Variants in ZNF362 observed in about 807,000 individuals in gnomAD.
ZNF362 encodes the protein zinc finger protein 362.
Under a neutral mutation model 42.9 loss-of-function variants are expected in ZNF362, and 11 were observed. The ratio of observed to expected loss-of-function variants is 0.26; its 90% CI spans 0.16 to 0.42. The LOEUF (loss-of-function observed/expected upper bound fraction) is 0.42. Among genes scored for constraint, ZNF362 ranks in the 20% least tolerant of loss-of-function variants. The pLI, the probability that ZNF362 is intolerant of heterozygous loss-of-function variation, is 1.00. For synonymous variants in ZNF362, 255 were observed against 257.3 expected (o/e 0.99, Z 0.09); for missense variants, 362 against 576.2 (o/e 0.63, Z 3.81).
the ZNF362 span, among the ~76,000 whole-genome samples, chr1:33,128,351 T>A: frequency 6.6e-6 from 1 of 152,182 alleles, no homozygotes. Flanking sequence ...CACTCCAGTT[T>A]GGGCAACAGA....
chr1:33,258,615 C>T (rs1256456885), intron 1 of ZNF362, among the ~76,000 whole-genome samples: 1 of 152,146 alleles, frequency 6.6e-6, no homozygotes, highest in East Asian at 1.9e-4. Context: ...GGTGTTCAGG[C>T]TTCCACTGCT....
At chr1:33,190,727 T>C in the ZNF362 span, among the ~76,000 whole-genome samples, 4 of 152,210 alleles carry the variant, frequency 2.6e-5, no homozygotes, top group Non-Finnish European at 5.9e-5. Flanking sequence ...TATCAACTTG[T>C]GTAGTGCTGG....
At chr1:33,239,421 A>T in the ZNF362 span, among the ~76,000 whole-genome samples, 1 of 152,160 alleles carries the variant, frequency 6.6e-6, no homozygotes, top group Non-Finnish European at 1.5e-5. Flanking sequence ...GAAAGTAGGG[A>T]AGTGCTCAAA....
the ZNF362 span, among the ~76,000 whole-genome samples, chr1:33,206,360 CA>C: frequency 0.28 from 41,340 of 147,676 alleles, 5,855 homozygotes; most frequent in East Asian, 0.35. Context: ...AATACCAAAA[CA>C]AAAAAAAAAT....
the ZNF362 span, chr1:33,159,984 A>T: frequency 1.1e-5 from 17 of 1,584,308 alleles, no homozygotes; most frequent in Non-Finnish European, 1.4e-5. The surrounding 1 kb of genome is among the most constrained non-coding windows in gnomAD (Gnocchi z 4.2). Flanking sequence ...CTGGGGGAGC[A>T]GATGGGGTGA....
At chr1:33,154,527 C>T in the ZNF362 span, among the ~76,000 whole-genome samples, 18 of 149,964 alleles carry the variant, frequency 1.2e-4, no homozygotes, top group African/African-American at 2.7e-4. Context: ...AGGCTGGGCG[C>T]GGTGGCTCAC....
the ZNF362 span, among the ~76,000 whole-genome samples, chr1:33,172,522 T>C: frequency 1.3e-5 from 2 of 151,694 alleles, no homozygotes; most frequent in African/African-American, 4.8e-5. Context: ...CCTGGGAGAG[T>C]TGGATTCCAC....
the ZNF362 span, among the ~76,000 whole-genome samples, chr1:33,156,121 C>T: frequency 6.6e-6 from 1 of 152,222 alleles, no homozygotes; most frequent in Non-Finnish European, 1.5e-5. Flanking sequence ...AGATCGCAGT[C>T]AAGGCTGGGC....
chr1:33,137,498 A>G, the ZNF362 span, among the ~76,000 whole-genome samples: 512 of 152,280 alleles, frequency 3.4e-3, 13 homozygotes, highest in East Asian at 0.056. Context: ...ATTTGAAAAC[A>G]TGGATTCCAG....
At chr1:33,175,050 T>TATGTATATGTATATGTATATGTATA in the ZNF362 span, among the ~76,000 whole-genome samples, 2 of 151,404 alleles carry the variant, frequency 1.3e-5, no homozygotes, top group South Asian at 2.1e-4. Context: ...TGTATATGTA[T>TATGTATATGTATATGTATATGTATA]TTTTTTTAAG....
upstream of ZNF362, chr1:33,256,462 G>GCCGCCA: frequency 6.0e-6 from 1 of 167,868 alleles, no homozygotes; most frequent in Non-Finnish European, 1.2e-5. Context: ...CGCCGCCGCC[G>GCCGCCA]CCGCCGCCGC....
chr1:33,143,492 A>C, the ZNF362 span, among the ~76,000 whole-genome samples: 73 of 152,278 alleles, frequency 4.8e-4, no homozygotes, highest in African/African-American at 1.7e-3. Context: ...GAATCACCCC[A>C]GTCACTTCCC....
the ZNF362 span, among the ~76,000 whole-genome samples, chr1:33,225,798 A>AT: frequency 6.6e-6 from 1 of 152,150 alleles, no homozygotes; most frequent in South Asian, 2.1e-4. Flanking sequence ...CAATCTTCAG[A>AT]TTTTATCTCA....
At chr1:33,179,004 G>A in the ZNF362 span, among the ~76,000 whole-genome samples, 202 of 152,320 alleles carry the variant, frequency 1.3e-3, 2 homozygotes, top group African/African-American at 4.6e-3. Context: ...ATCTGGGTCA[G>A]GCTGTGCCCT....
intron 8 of ZNF362, among the ~76,000 whole-genome samples, chr1:33,296,158 C>G (rs796960413): frequency 3.9e-5 from 6 of 152,340 alleles, no homozygotes; most frequent in African/African-American, 1.4e-4. Context: ...AGCAGAGACT[C>G]TCGGCCCTAG....
the ZNF362 span, among the ~76,000 whole-genome samples, chr1:33,128,447 C>G: frequency 6.6e-6 from 1 of 152,134 alleles, no homozygotes; most frequent in African/African-American, 2.4e-5. Flanking sequence ...CCACAGTAAC[C>G]AGGTAAGTTA....
intron 8 of ZNF362, among the ~76,000 whole-genome samples, chr1:33,297,859 G>A (rs1391946424): frequency 6.6e-6 from 1 of 152,136 alleles, no homozygotes; most frequent in African/African-American, 2.4e-5. Flanking sequence ...TTCCTGCATC[G>A]TAGTAGCTCA....
the ZNF362 span, chr1:33,142,940 A>G: frequency 2.0e-5 from 3 of 152,146 alleles, no homozygotes; most frequent in Admixed American, 1.3e-4. Flanking sequence ...CGATGGTTAG[A>G]TAAGGTGTAA....
chr1:33,211,516 G>GA, the ZNF362 span, among the ~76,000 whole-genome samples: 1 of 152,164 alleles, frequency 6.6e-6, no homozygotes, highest in Non-Finnish European at 1.5e-5. Context: ...GGCTGGATAT[G>GA]AAATTCTGGG....
Sources: gnomAD v4.1 joint callset for allele counts (sites outside exome capture counted in the v4.1 genomes callset) on GRCh38, gnomAD v4.1.1 for gene constraint, Gnocchi (gnomAD v3.1) non-coding constraint, MANE v1.5 for transcripts, NCBI Gene and HGNC (gene_info 2026-07-23, HGNC 2026-07-21) for gene names.